The following GPC3 variants were observed in gnomAD, a reference collection of about 807,000 sequenced individuals.
The protein encoded by GPC3 is glypican-3.
GPC3 carries 3 observed loss-of-function variants against 34.4 expected under a neutral mutation model. That is an observed-to-expected ratio of 0.09 (90% CI 0.04 to 0.23). GPC3 has a LOEUF of 0.23. Ranked by LOEUF, GPC3 falls within the 10% of genes least tolerant of loss-of-function variation. GPC3 has a pLI of 1.00. For missense variants in GPC3, 351 were observed against 445.6 expected (o/e 0.79, Z 1.91); for synonymous variants, 177 against 174.0 (o/e 1.02, Z -0.13).
intron 3 of GPC3, among the ~76,000 whole-genome samples, chrX:133,708,542 G>A (rs796544003): frequency 3.6e-5 from 4 of 111,621 alleles, no homozygotes; most frequent in Admixed American, 9.6e-5. Flanking sequence ...TGGCCTAGGC[G>A]ATGGGATCAC....
intron 2 of GPC3, among the ~76,000 whole-genome samples, chrX:133,766,733 T>G (rs1216363209): frequency 8.9e-6 from 1 of 112,293 alleles, no homozygotes; most frequent in Admixed American, 9.5e-5. Context: ...TATAGCTATG[T>G]AGTAGATGGT....
intron 2 of GPC3, among the ~76,000 whole-genome samples, chrX:133,800,702 G>A (rs189714414): frequency 3.4e-4 from 38 of 111,720 alleles, no homozygotes; most frequent in African/African-American, 1.2e-3. Flanking sequence ...AGTACATTCT[G>A]GAAAGACTGT....
intron 6 of GPC3, among the ~76,000 whole-genome samples, chrX:133,640,340 C>T (rs1419068287): frequency 2.7e-5 from 3 of 112,097 alleles, no homozygotes; most frequent in African/African-American, 9.7e-5. Context: ...CTCCCTCCAG[C>T]TGTCTCAGTG....
chrX:133,631,583 T>C (rs562273884), intron 6 of GPC3, among the ~76,000 whole-genome samples: 1 of 112,128 alleles, frequency 8.9e-6, no homozygotes, highest in Admixed American at 9.5e-5. Context: ...TGTTCAAATA[T>C]CTCTTGCAGA....
chrX:133,700,088 A>G, intron 3 of GPC3, 60 bp from the exon 4 acceptor site: 1 of 940,409 alleles, frequency 1.1e-6, no homozygotes, highest in African/African-American at 1.9e-5. Context: ...AGTAGAAACA[A>G]ATTCTGAAAG....
intron 7 of GPC3, among the ~76,000 whole-genome samples, chrX:133,559,895 CTCTG>C (rs780787637): frequency 9.0e-6 from 1 of 111,545 alleles, no homozygotes; most frequent in African/African-American, 3.3e-5. Context: ...CTTCCTTTCT[CTCTG>C]TCTCTCTATG....
At chrX:133,607,537 G>C (rs781290590) in intron 6 of GPC3, among the ~76,000 whole-genome samples, 11 of 111,782 alleles carry the variant, frequency 9.8e-5, no homozygotes, top group Non-Finnish European at 1.9e-4. Context: ...CAAAGTTCTG[G>C]AATTACAGGC....
chrX:133,895,735 G>A (rs1032430369), intron 2 of GPC3, among the ~76,000 whole-genome samples: 5 of 110,999 alleles, frequency 4.5e-5, no homozygotes, highest in Non-Finnish European at 9.4e-5. Context: ...TCTTTAAACA[G>A]CGCACACACA....
chrX:133,539,957 C>T (rs960334696), intron 7 of GPC3, among the ~76,000 whole-genome samples: 4 of 112,422 alleles, frequency 3.6e-5, no homozygotes, highest in African/African-American at 1.3e-4. Context: ...ACAAAACTAG[C>T]CTATGATGTC....
Position 133,908,266 on chromosome X carries a change from T to C in GPC3, c.337+44784A>G, listed in dbSNP as rs1030776647. On this transcript the variant is annotated intron_variant, in intron 2 of 7. Coordinates refer to ENST00000370818, the MANE Select transcript of GPC3 (RefSeq NM_004484.4). Reference sequence around the variant, plus strand: ...AGGCACTACAGTTCTTTATCATTTTTACGTAAGGCCCTCACAATTGGAAAT... The same window carrying C: ...AGGCACTACAGTTCTTTATCATTTTCACGTAAGGCCCTCACAATTGGAAAT... Among the ~76,000 whole-genome samples, 9 of 111,872 alleles carry C rather than the reference T, an allele frequency of 8.0e-5. 1 individual carries two copies. The South Asian group carries it at 3.0e-3, about 37-fold the overall frequency.
At chrX:133,773,504 A>G (rs190595372) in intron 2 of GPC3, among the ~76,000 whole-genome samples, 1 of 112,293 alleles carries the variant, frequency 8.9e-6, no homozygotes, top group East Asian at 2.8e-4. Flanking sequence ...TTTAGGATGA[A>G]CAAAATGTCT....
intron 2 of GPC3, among the ~76,000 whole-genome samples, chrX:133,910,250 TA>T (rs921596013): frequency 7.7e-4 from 85 of 110,897 alleles, no homozygotes; most frequent in Non-Finnish European, 1.2e-3. Context: ...TACTTGGTAA[TA>T]AAAAATTAAA....
chrX:133,800,583 C>T (rs1043198599), intron 2 of GPC3, among the ~76,000 whole-genome samples: 2 of 112,104 alleles, frequency 1.8e-5, no homozygotes, highest in Admixed American at 9.5e-5. Flanking sequence ...TCTGAAATCG[C>T]TTTTTGTTGT....
chrX:133,886,815 T>C (rs1011166113), intron 2 of GPC3, among the ~76,000 whole-genome samples: 7 of 112,898 alleles, frequency 6.2e-5, no homozygotes, highest in African/African-American at 2.3e-4. Context: ...TCATTTTCTA[T>C]ATGTACCACA....
rs144853754 is a variant in GPC3, at chrX:133,848,165, A to C, written c.338-93989T>G. 2.6e-3 allele frequency among the ~76,000 whole-genome samples: 287 copies of C among 112,308 alleles called. 2 individuals carry two copies. Among genetic ancestry groups the C allele is most frequent in the African/African-American group, 8.6e-3 (265 of 30,900 alleles). ...ATTATGAAAGCATCCATTACAGCCA[A>C]GAATTCAAAATTAGTTCAGACTCAA... On this transcript the variant is annotated intron_variant, in intron 2 of 7. Coordinates refer to ENST00000370818, the MANE Select transcript of GPC3 (RefSeq NM_004484.4).
At chrX:133,611,211 T>G in intron 6 of GPC3, among the ~76,000 whole-genome samples, 1 of 87,348 alleles carries the variant, frequency 1.1e-5, no homozygotes, top group Non-Finnish European at 2.3e-5. Context: ...AGCCCCTGGG[T>G]GTGGGTGGGG....
chrX:133,770,942 A>G (rs966348018), intron 2 of GPC3, among the ~76,000 whole-genome samples: 2 of 111,337 alleles, frequency 1.8e-5, no homozygotes, highest in Non-Finnish European at 3.8e-5. Flanking sequence ...TAAATCTGGG[A>G]GGGGATGGGG....
chrX:133,718,911 C>G (rs1352962052), intron 3 of GPC3, among the ~76,000 whole-genome samples: 1 of 111,531 alleles, frequency 9.0e-6, no homozygotes, highest in East Asian at 2.8e-4. Flanking sequence ...GAATAATTAT[C>G]AACATATATG....
chrX:133,970,075 C>T (rs1053509269), intron 1 of GPC3, among the ~76,000 whole-genome samples: 2 of 112,047 alleles, frequency 1.8e-5, no homozygotes, highest in African/African-American at 6.5e-5. Flanking sequence ...TTTAAACTGA[C>T]CTTGTAGCTT....
Sources: allele counts gnomAD v4.1 joint callset (sites outside exome capture counted in the v4.1 genomes callset), GRCh38; gene constraint gnomAD v4.1.1; transcripts MANE v1.5; gene names NCBI Gene and HGNC (gene_info 2026-07-23, HGNC 2026-07-21).